The following GRB2 variants were observed in gnomAD, a reference collection of about 807,000 sequenced individuals.
The protein encoded by GRB2 is growth factor receptor-bound protein 2.
GRB2 carries 2 observed loss-of-function variants against 27.4 expected under a neutral mutation model. That is an observed-to-expected ratio of 0.07 (90% CI 0.03 to 0.23). The LOEUF is 0.23. GRB2 is among the 10% of genes least tolerant of loss of function. The pLI is 1.00. For missense variants in GRB2, 102 were observed against 282.4 expected (o/e 0.36, Z 4.58); for synonymous variants, 94 against 99.6 (o/e 0.94, Z 0.33).
chr17:75,385,029 CAAAAAAAAA>C (rs58860615), intron 2 of GRB2, among the ~76,000 whole-genome samples: 7 of 55,324 alleles, frequency 1.3e-4, no homozygotes, highest in South Asian at 6.3e-4. Context: ...CTGGCTCTAC[CAAAAAAAAA>C]AAAAAAAAAA....
chr17:75,386,157 C>T (rs954892451), intron 2 of GRB2, among the ~76,000 whole-genome samples: 6 of 151,572 alleles, frequency 4.0e-5, no homozygotes, highest in African/African-American at 1.5e-4. Context: ...CTCACTCTGT[C>T]GCCCAGGCTG....
chr17:75,321,547 A>C, intron 5 of GRB2, 112 bp downstream of exon 5: 1 of 930,394 alleles, frequency 1.1e-6, no homozygotes, highest in Non-Finnish European at 1.7e-6. Flanking sequence ...CCCAGCGGCA[A>C]TCCCTGAAGG....
intron 2 of GRB2, chr17:75,338,795 A>G: frequency 2.8e-6 from 2 of 713,462 alleles, no homozygotes; most frequent in South Asian, 1.4e-5. Flanking sequence ...AAAAATATAC[A>G]AGTCCTTTCT....
intron 2 of GRB2, among the ~76,000 whole-genome samples, chr17:75,367,905 T>C (rs2078830271): frequency 6.6e-6 from 1 of 151,954 alleles, no homozygotes; most frequent in Non-Finnish European, 1.5e-5. Flanking sequence ...TTTTTTGAGA[T>C]GGAGTCTCAC....
intron 3 of GRB2, among the ~76,000 whole-genome samples, chr17:75,329,006 C>T (rs1012384122): frequency 2.6e-5 from 4 of 151,926 alleles, no homozygotes; most frequent in South Asian, 4.2e-4. Flanking sequence ...CCTTCTCAAT[C>T]GGGGGGCCCC....
At chr17:75,355,609 A>T (rs1005502684) in intron 2 of GRB2, among the ~76,000 whole-genome samples, 2 of 133,974 alleles carry the variant, frequency 1.5e-5, no homozygotes, top group Admixed American at 7.4e-5. Context: ...TGATGAGCTT[A>T]AAAAAAAAAA....
intron 2 of GRB2, among the ~76,000 whole-genome samples, chr17:75,392,386 C>T (rs1277537473): frequency 1.3e-5 from 2 of 152,290 alleles, no homozygotes; most frequent in East Asian, 1.9e-4. Context: ...GAGGCTCAAC[C>T]TACATTTCTA....
At chr17:75,321,921 T>G in intron 4 of GRB2, 94 bp from the exon 5 acceptor site, 1 of 1,220,732 alleles carries the variant, frequency 8.2e-7, no homozygotes, top group Non-Finnish European at 1.2e-6. Flanking sequence ...AGAGAACCAC[T>G]GTCCCAGCAG....
chr17:75,401,615 C>T (rs1567879089), intron 1 of GRB2, among the ~76,000 whole-genome samples: 1 of 152,152 alleles, frequency 6.6e-6, no homozygotes, highest in African/African-American at 2.4e-5. Context: ...AGCTTACTGA[C>T]GCTCTGGAGT....
chr17:75,366,222 C>G (rs1480079519), intron 2 of GRB2, among the ~76,000 whole-genome samples: 5 of 152,130 alleles, frequency 3.3e-5, no homozygotes, highest in African/African-American at 1.2e-4. Flanking sequence ...CTTATCTGAT[C>G]TCTATACTAC....
intron 2 of GRB2, among the ~76,000 whole-genome samples, chr17:75,350,660 T>A (rs1346388709): frequency 2.0e-5 from 3 of 152,000 alleles, no homozygotes; most frequent in Non-Finnish European, 2.9e-5. Context: ...CGCAGCTAAT[T>A]TTTTTGTATT....
intron 2 of GRB2, among the ~76,000 whole-genome samples, chr17:75,349,701 G>T (rs956149801): frequency 1.3e-5 from 2 of 151,810 alleles, no homozygotes; most frequent in African/African-American, 4.8e-5. Context: ...TGTATTTTAA[G>T]TTGAGACGAG....
intron 4 of GRB2, among the ~76,000 whole-genome samples, chr17:75,323,293 A>G (rs1441186809): frequency 6.6e-6 from 1 of 152,080 alleles, no homozygotes; most frequent in African/African-American, 2.4e-5. Flanking sequence ...GATGCCTCGC[A>G]TTTGGAAAAA....
Position 75,319,664 on chromosome 17 carries a change from A to T in GRB2, c.*704T>A, listed in dbSNP as rs1365504859. On this transcript the variant is annotated 3_prime_UTR_variant, in exon 6 of 6. Transcript: ENST00000316804. ...ACCATGTTGGCTAGGTTGGTCTCGA[A>T]CTCCTGACCTTGTGATCCGCCCACC... is the stretch of plus-strand genomic sequence containing the variant. 2 of 152,146 alleles carry T rather than the reference A, an allele frequency of 1.3e-5. No individual in the cohort carries two copies. Among genetic ancestry groups the T allele is most frequent in the African/African-American group, 2.4e-5 (1 of 41,410 alleles). The allele number at this position is 152,146 out of a possible 1,614,324, so 9.4% of individuals were successfully genotyped here.
At chr17:75,362,376 T>C (rs1311444004) in intron 2 of GRB2, among the ~76,000 whole-genome samples, 2 of 152,234 alleles carry the variant, frequency 1.3e-5, no homozygotes, top group Non-Finnish European at 2.9e-5. Context: ...GAGTTGAGTT[T>C]TGTTTTTTCA....
intron 2 of GRB2, among the ~76,000 whole-genome samples, chr17:75,383,719 G>A (rs1312125068): frequency 1.3e-5 from 2 of 152,062 alleles, no homozygotes; most frequent in East Asian, 1.9e-4. Context: ...GCACGCTCCT[G>A]TAGTCCCAGC....
At chr17:75,352,874 G>GT (rs374164944) in intron 2 of GRB2, among the ~76,000 whole-genome samples, 16,679 of 147,388 alleles carry the variant, frequency 0.11, 1,791 homozygotes, top group African/African-American at 0.29. Context: ...AAGTTAACTT[G>GT]TTTTTTTTTT....
chr17:75,399,176 T>C (rs567258771), intron 1 of GRB2, among the ~76,000 whole-genome samples: 5 of 152,166 alleles, frequency 3.3e-5, no homozygotes, highest in African/African-American at 9.6e-5. Flanking sequence ...GCCTCCCAAG[T>C]AGCTGGGACT....
At chr17:75,386,897 C>A (rs895539236) in intron 2 of GRB2, among the ~76,000 whole-genome samples, 53 of 152,272 alleles carry the variant, frequency 3.5e-4, no homozygotes, top group African/African-American at 1.3e-3. Flanking sequence ...CGATCTTGGC[C>A]AGGCGCGGTG....
Sources: allele counts gnomAD v4.1 joint callset (sites outside exome capture counted in the v4.1 genomes callset), GRCh38; gene constraint gnomAD v4.1.1; transcripts MANE v1.5; gene names NCBI Gene and HGNC (gene_info 2026-07-23, HGNC 2026-07-21).